CDC42: variants seen among roughly 807,000 people sequenced by gnomAD.
CDC42 encodes the protein cell division control protein 42 homolog.
A neutral mutation model predicts 20.8 loss-of-function variants in CDC42; 1 was observed. The ratio of observed to expected loss-of-function variants is 0.05; its 90% CI spans 0.02 to 0.23. The LOEUF (loss-of-function observed/expected upper bound fraction) is 0.23. Among genes scored for constraint, CDC42 ranks in the 10% least tolerant of loss-of-function variants. The pLI is 1.00. For missense variants in CDC42, 49 were observed against 227.9 expected (o/e 0.21, Z 5.05); for synonymous variants, 72 against 84.8 (o/e 0.85, Z 0.83).
intron 5 of CDC42, chr1:22,090,043 C>A: frequency 6.2e-7 from 1 of 1,613,402 alleles, no homozygotes; most frequent in Non-Finnish European, 8.5e-7. Flanking sequence ...ACTGTTTTCT[C>A]CTTCCCTTCT....
chr1:22,072,944 T>C (rs1224143009), intron 1 of CDC42, among the ~76,000 whole-genome samples: 1 of 152,206 alleles, frequency 6.6e-6, no homozygotes, highest in Admixed American at 6.5e-5. Flanking sequence ...AATATAAATT[T>C]TTTGTAAAAC....
intron 1 of CDC42, among the ~76,000 whole-genome samples, chr1:22,061,946 C>CT (rs1298233554): frequency 6.6e-6 from 1 of 150,774 alleles, no homozygotes; most frequent in South Asian, 2.1e-4. Context: ...TTATTTATTT[C>CT]TTTTTTTTGG....
chr1:22,053,348 C>T (rs903591640), intron 1 of CDC42: 1 of 151,750 alleles, frequency 6.6e-6, no homozygotes, highest in East Asian at 2.0e-4. Flanking sequence ...GCGGCGGTGC[C>T]TGTCCGAGCT....
intron 1 of CDC42, among the ~76,000 whole-genome samples, chr1:22,067,074 A>G (rs548618506): frequency 6.6e-6 from 1 of 152,216 alleles, no homozygotes; most frequent in South Asian, 2.1e-4. Context: ...GAGGTAAGAG[A>G]CCTGTGTAGC....
In CDC42 at chr1:22,095,636, TTA is replaced by T. The variant is rs1446554515; in HGVS notation, c.*4121_*4122del. ...GTGCCTCCACCTTAAAAAAAATTCC[TTA>T]TTTTATTCACTTGCCAGAATAATGT... is the stretch of plus-strand genomic sequence containing the variant. On this transcript the variant is annotated 3_prime_UTR_variant, in exon 6 of 6. Transcript: ENST00000656825. 6.6e-6 allele frequency among the ~76,000 whole-genome samples: 1 copy of T among 152,344 alleles called. No homozygotes were observed. Among genetic ancestry groups the T allele is most frequent in the Non-Finnish European group, 1.5e-5 (1 of 68,038 alleles).
At chr1:22,055,575 G>A (rs776703086) in intron 1 of CDC42, among the ~76,000 whole-genome samples, 2 of 150,202 alleles carry the variant, frequency 1.3e-5, no homozygotes, top group Non-Finnish European at 1.5e-5. Flanking sequence ...CTGCAGCCTC[G>A]GCCTCCCAGG....
At position 22,094,294 on chromosome 1, in the gene CDC42, A is replaced by ATTT. The variant is rs747002932; in HGVS notation, c.*2796_*2798dup. Among the ~76,000 whole-genome samples the ATTT allele has an allele frequency of 3.2e-3, 124 of 38,298 alleles. 33 individuals are homozygous for ATTT. The highest frequency in any genetic ancestry group is 3.7e-3 in the Admixed American group (7 of 1,910). 25.1% of individuals were successfully genotyped at this position (38,298 alleles called of 152,430 possible). On this transcript the variant is annotated 3_prime_UTR_variant, in exon 6 of 6. Transcript: ENST00000656825. ...GTTTTACTGAACATCCTAGAAATAG[A>ATTT]TTTTTTTTTTTTTTTTTTTTTGAGA...
chr1:22,087,744 T>C (rs1033310671), intron 5 of CDC42, among the ~76,000 whole-genome samples: 2 of 152,220 alleles, frequency 1.3e-5, no homozygotes, highest in African/African-American at 2.4e-5. Flanking sequence ...ATTAAACTCA[T>C]TATATTTATG....
chr1:22,054,921 ATTTTTTTTTTTTTTTTTTT>A (rs1180547322), intron 1 of CDC42, among the ~76,000 whole-genome samples: 18 of 19,372 alleles, frequency 9.3e-4, no homozygotes, highest in East Asian at 2.3e-3. Flanking sequence ...ATATATATAT[ATTTTTTTTTTTTTTTTTTT>A]TTTTTTTTTT....
rs1417523752 is a variant in CDC42, at chr1:22,097,179, G to A, written c.*5662G>A. ...CAGCTGTATGGTAGCAGAGCTGGGC[G>A]TGAAACCTGCATTCCTGGCCTCTCC... On this transcript the variant is annotated 3_prime_UTR_variant, in exon 6 of 6. Transcript: ENST00000656825. Among the ~76,000 whole-genome samples, 4 of 152,224 alleles carry A rather than the reference G, an allele frequency of 2.6e-5. No homozygotes were observed. The highest frequency in any genetic ancestry group is 7.2e-5 in the African/African-American group (3 of 41,460).
chr1:22,056,104 T>C (rs1645302348), intron 1 of CDC42, among the ~76,000 whole-genome samples: 1 of 152,248 alleles, frequency 6.6e-6, no homozygotes, highest in Non-Finnish European at 1.5e-5. Context: ...TGGCCTGGCA[T>C]GGTCACCCCA....
intron 1 of CDC42, among the ~76,000 whole-genome samples, chr1:22,074,622 G>A (rs546501304): frequency 1.1e-4 from 17 of 152,284 alleles, no homozygotes; most frequent in African/African-American, 4.1e-4. Flanking sequence ...TCTTAACTAT[G>A]TTGCCCAGGC....
In CDC42 at chr1:22,099,214, A is replaced by G. The variant is rs1283467746; in HGVS notation, c.*7697A>G. On this transcript the variant is annotated 3_prime_UTR_variant, in exon 6 of 6. Transcript: ENST00000656825. ...AATAAATTGGTGCATTAAGGAAGGA[A>G]TATTAATCACATCCAGGAGGGCTCT... is the stretch of plus-strand genomic sequence containing the variant. 6.6e-6 allele frequency among the ~76,000 whole-genome samples: 1 copy of G among 152,234 alleles called. No homozygotes were observed. Among genetic ancestry groups the G allele is most frequent in the Admixed American group, 6.5e-5 (1 of 15,286 alleles).
intron 1 of CDC42, among the ~76,000 whole-genome samples, chr1:22,067,931 G>A (rs539381022): frequency 7.0e-4 from 106 of 152,216 alleles, no homozygotes; most frequent in Non-Finnish European, 8.7e-4. Flanking sequence ...GTAGTGGAAG[G>A]GTAGCTTGAA....
chr1:22,091,402 C>T (rs954314034), intron 5 of CDC42, 26 bp from the exon 6 acceptor site: 2 of 1,451,708 alleles, frequency 1.4e-6, no homozygotes, highest in African/African-American at 2.8e-5. Context: ...TCAGACCGCC[C>T]ATTTTTTCTT....
At chr1:22,072,525 G>C (rs759072834) in intron 1 of CDC42, among the ~76,000 whole-genome samples, 1 of 152,120 alleles carries the variant, frequency 6.6e-6, no homozygotes, top group Admixed American at 6.5e-5. Flanking sequence ...ACCTTGAAAT[G>C]TTCACAGACC....
At position 22,095,328 on chromosome 1, in the gene CDC42, G is replaced by A. The variant is rs1010215305; in HGVS notation, c.*3811G>A. 6.6e-6 allele frequency among the ~76,000 whole-genome samples: 1 copy of A among 152,030 alleles called. No homozygotes were observed. Among genetic ancestry groups the A allele is most frequent in the Non-Finnish European group, 1.5e-5 (1 of 68,008 alleles). On this transcript the variant is annotated 3_prime_UTR_variant, in exon 6 of 6. Coordinates refer to ENST00000656825, the MANE Select transcript of CDC42 (RefSeq NM_001791.4). ...TCTGTCGCCCAGGCTGGAGTGCAGT[G>A]GTGCAATCTCGGCTCATTGCAAGCT...
rs1194882622 is a variant in CDC42, at chr1:22,088,129, A to C, written c.486+1263A>C. Among the ~76,000 whole-genome samples, 13 of 152,238 alleles carry C rather than the reference A, an allele frequency of 8.5e-5. 1 individual carries two copies. ...AGCAACTGTTTTGAGAGTTTTAAAA[A>C]ATGCCTGGTGCTTCTCTGTGTGTTT... On this transcript the variant is annotated intron_variant, in intron 5 of 5. Coordinates refer to ENST00000656825, the MANE Select transcript of CDC42 (RefSeq NM_001791.4).
chr1:22,077,121 A>T lies in CDC42; in HGVS notation c.-50-1308A>T, dbSNP rs1212528997. 5.9e-5 allele frequency among the ~76,000 whole-genome samples: 9 copies of T among 152,276 alleles called. 1 individual carries two copies. The East Asian group carries it at 1.3e-3, about 23-fold the overall frequency. ...CAGTGAGCTGAGGTTGTGCCACTGC[A>T]CTCCAGCCTGGGTGACGGGAGTAAA... On this transcript the variant is annotated intron_variant, in intron 1 of 5. Coordinates refer to ENST00000656825, the MANE Select transcript of CDC42 (RefSeq NM_001791.4).
Sources: allele counts gnomAD v4.1 joint callset (sites outside exome capture counted in the v4.1 genomes callset), GRCh38; gene constraint gnomAD v4.1.1; transcripts MANE v1.5; gene names NCBI Gene and HGNC (gene_info 2026-07-23, HGNC 2026-07-21).